Variants in ULK4 observed in about 807,000 individuals in gnomAD.
ULK4 encodes the protein inactive serine/threonine-protein kinase ULK4.
ULK4 carries 133 observed loss-of-function variants against 160.6 expected under a neutral mutation model. That is an observed-to-expected ratio of 0.83 (90% CI 0.72 to 0.96). The LOEUF (loss-of-function observed/expected upper bound fraction) is 0.96, where lower values mean the gene tolerates loss of function less well. Ranked by LOEUF, ULK4 falls within the 40% of genes least tolerant of loss-of-function variation. The pLI is 0.00. For missense variants in ULK4, 1,580 were observed against 1,499.5 expected (o/e 1.05, Z -0.89); for synonymous variants, 534 against 539.8 (o/e 0.99, Z 0.15).
intron 22 of ULK4, among the ~76,000 whole-genome samples, chr3:41,735,687 T>TTTATTATTATTA (rs10652302): frequency 0.2 from 28,307 of 144,282 alleles, 3,185 homozygotes; most frequent in Non-Finnish European, 0.24. Context: ...CTAAGTCCAT[T>TTTATTATTATTA]TTATTATTAT....
At chr3:41,877,595 GTA>G (rs1697356382) in intron 17 of ULK4, among the ~76,000 whole-genome samples, 1 of 152,120 alleles carries the variant, frequency 6.6e-6, no homozygotes, top group South Asian at 2.1e-4. Context: ...CAAAGTGCTG[GTA>G]TTACAGGCAT....
chr3:41,559,867 T>C (rs1417568938), intron 32 of ULK4, among the ~76,000 whole-genome samples: 2 of 152,224 alleles, frequency 1.3e-5, no homozygotes, highest in South Asian at 2.1e-4. Context: ...AGCTCTTTAG[T>C]TTAATTAGAT....
At chr3:41,672,134 T>C (rs2035562841) in intron 29 of ULK4, among the ~76,000 whole-genome samples, 1 of 152,112 alleles carries the variant, frequency 6.6e-6, no homozygotes, top group African/African-American at 2.4e-5. Flanking sequence ...GAATGTAACA[T>C]AGCCATTATG....
chr3:41,393,645 T>C (rs557992882), intron 35 of ULK4, among the ~76,000 whole-genome samples: 2 of 152,318 alleles, frequency 1.3e-5, no homozygotes, highest in East Asian at 1.9e-4. Flanking sequence ...TAGAGATCCC[T>C]GAGGGCAGGG....
chr3:41,804,722 T>C (rs1022635239), intron 19 of ULK4, among the ~76,000 whole-genome samples: 33 of 152,140 alleles, frequency 2.2e-4, no homozygotes, highest in South Asian at 1.7e-3. Flanking sequence ...TTTCCCAGCA[T>C]CATTTATTAA....
At chr3:41,490,652 G>C (rs565412717) in intron 32 of ULK4, among the ~76,000 whole-genome samples, 12 of 152,200 alleles carry the variant, frequency 7.9e-5, no homozygotes, top group African/African-American at 2.6e-4. Context: ...TCTATTTGAA[G>C]GCAAAACACA....
intron 32 of ULK4, among the ~76,000 whole-genome samples, chr3:41,464,002 GT>G (rs971676588): frequency 3.8e-5 from 4 of 104,372 alleles, no homozygotes; most frequent in African/African-American, 1.8e-4. Flanking sequence ...AAATTCAGAT[GT>G]TCTAAAAAAA....
chr3:41,906,717 G>A (rs375267340), intron 12 of ULK4, among the ~76,000 whole-genome samples: 19 of 152,026 alleles, frequency 1.2e-4, no homozygotes, highest in African/African-American at 2.9e-4. Flanking sequence ...TAAAAAGGCC[G>A]GGCACGGTGG....
chr3:41,706,849 ATGTGTGTGTGTGTGTGTG>A (rs749756575), intron 25 of ULK4, among the ~76,000 whole-genome samples: 9 of 102,366 alleles, frequency 8.8e-5, no homozygotes, highest in East Asian at 5.3e-4. Context: ...AAAAAAAAAT[ATGTGTGTGTGTGTGTGTG>A]TGTGTGTGTG....
intron 30 of ULK4, among the ~76,000 whole-genome samples, chr3:41,638,236 T>C (rs1417989672): frequency 1.3e-5 from 2 of 152,358 alleles, no homozygotes; most frequent in East Asian, 3.9e-4. Context: ...TTATTATTAA[T>C]GAGAGTGATT....
At position 41,559,034 on chromosome 3, in the gene ULK4, A is replaced by G. The variant is rs542193807; in HGVS notation, c.3226+6991T>C. On this transcript the variant is annotated intron_variant, in intron 32 of 36. Transcript: ENST00000301831. Reference sequence around the variant, plus strand: ...AATGCTATCCCTCCCCCCTACCCCCACCCCACAACAGGCCCCGGTGTATCA... The same window carrying G: ...AATGCTATCCCTCCCCCCTACCCCCGCCCCACAACAGGCCCCGGTGTATCA... 2.2e-5 allele frequency among the ~76,000 whole-genome samples: 2 copies of G among 92,962 alleles called. 1 individual carries two copies. Among genetic ancestry groups the G allele is most frequent in the South Asian group, 7.8e-4 (2 of 2,560 alleles). The allele number at this position is 92,962 out of a possible 152,430, so 61.0% of individuals were successfully genotyped here. A position where few individuals can be genotyped will look rare whatever the true frequency, so the allele number is the denominator to read the frequency against.
chr3:41,441,261 CTT>C (rs2083161313), intron 34 of ULK4, among the ~76,000 whole-genome samples: 1 of 152,008 alleles, frequency 6.6e-6, no homozygotes, highest in African/African-American at 2.4e-5. Context: ...CTTTCCCAAA[CTT>C]TTCTAAAAGA....
chr3:41,407,390 C>A (rs545221226), intron 34 of ULK4, among the ~76,000 whole-genome samples: 5 of 152,134 alleles, frequency 3.3e-5, no homozygotes, highest in South Asian at 4.2e-4. Context: ...CCCAACCAGA[C>A]AAAGATAGTA....
intron 30 of ULK4, among the ~76,000 whole-genome samples, chr3:41,654,740 C>A (rs1289077777): frequency 1.3e-5 from 2 of 152,156 alleles, no homozygotes; most frequent in African/African-American, 4.8e-5. Flanking sequence ...CCAATTTGAA[C>A]AAGTGGCTGA....
At chr3:41,476,835 A>G (rs2084161548) in intron 32 of ULK4, among the ~76,000 whole-genome samples, 1 of 152,188 alleles carries the variant, frequency 6.6e-6, no homozygotes, top group Non-Finnish European at 1.5e-5. Flanking sequence ...ACATGAAAAT[A>G]TTAACATCCG....
chr3:41,803,821 T>C (rs1158448470), intron 19 of ULK4, among the ~76,000 whole-genome samples: 1 of 152,176 alleles, frequency 6.6e-6, no homozygotes, highest in East Asian at 1.9e-4. Flanking sequence ...GAACTCATCA[T>C]TTTTTATGGC....
At chr3:41,695,901 T>C (rs1158323520) in intron 27 of ULK4, among the ~76,000 whole-genome samples, 1 of 152,088 alleles carries the variant, frequency 6.6e-6, no homozygotes, top group Non-Finnish European at 1.5e-5. Flanking sequence ...CATACAGAGA[T>C]AGGAGCTGAG....
chr3:41,472,822 T>TA (rs1267696623), intron 32 of ULK4, among the ~76,000 whole-genome samples: 1 of 152,028 alleles, frequency 6.6e-6, no homozygotes, highest in East Asian at 1.9e-4. Context: ...ATCACAAGAA[T>TA]AAAAAACTAA....
chr3:41,726,510 T>C (rs2037657454), intron 22 of ULK4, among the ~76,000 whole-genome samples: 1 of 152,242 alleles, frequency 6.6e-6, no homozygotes, highest in Non-Finnish European at 1.5e-5. Flanking sequence ...CAGCAAATGA[T>C]ATTTCTCAGT....
Sources: allele counts gnomAD v4.1 joint callset (sites outside exome capture counted in the v4.1 genomes callset), GRCh38; gene constraint gnomAD v4.1.1; transcripts MANE v1.5; gene names NCBI Gene and HGNC (gene_info 2026-07-23, HGNC 2026-07-21).